The following ITGA8 variants were observed in gnomAD, a reference collection of about 807,000 sequenced individuals.
ITGA8 encodes the protein integrin subunit alpha 8.
In ITGA8, 91 loss-of-function variants were observed where a neutral mutation model predicts 142.3. The observed-to-expected ratio is 0.64, with a 90% CI of 0.54 to 0.76. The LOEUF (loss-of-function observed/expected upper bound fraction) is 0.76. Among genes scored for constraint, ITGA8 ranks in the 30% least tolerant of loss-of-function variants. ITGA8 has a pLI of 0.00. For synonymous variants in ITGA8, 505 were observed against 485.2 expected (o/e 1.04, Z -0.54); for missense variants, 1,406 against 1,327.7 (o/e 1.06, Z -0.92).
intron 12 of ITGA8, among the ~76,000 whole-genome samples, chr10:15,644,899 C>G (rs1039009751): frequency 6.6e-6 from 1 of 151,706 alleles, no homozygotes; most frequent in African/African-American, 2.4e-5. Context: ...CGAGACCATC[C>G]TGGCTAACAC....
At chr10:15,606,157 T>C (rs1238411218) in intron 18 of ITGA8, 128 bp downstream of exon 18, 1 of 792,162 alleles carries the variant, frequency 1.3e-6, no homozygotes, top group Non-Finnish European at 2.0e-6. Context: ...GTAGGAAAAC[T>C]CCCAAATGTT....
chr10:15,520,802 T>C (rs566918031), intron 28 of ITGA8, among the ~76,000 whole-genome samples: 2 of 152,338 alleles, frequency 1.3e-5, no homozygotes, highest in East Asian at 3.9e-4. Flanking sequence ...TAGTTTTAAT[T>C]GTGTTGGTTG....
At chr10:15,687,915 A>G (rs1315619200) in intron 3 of ITGA8, 23 bp downstream of exon 3, 8 of 1,400,034 alleles carry the variant, frequency 5.7e-6, no homozygotes, top group Non-Finnish European at 8.1e-6. Context: ...AAGCAGCAGC[A>G]CAAGCCCACG....
intron 18 of ITGA8, among the ~76,000 whole-genome samples, 188 bp downstream of exon 18, chr10:15,606,097 A>T (rs1833190315): frequency 4.6e-5 from 7 of 152,216 alleles, no homozygotes; most frequent in Admixed American, 4.6e-4. Flanking sequence ...TGATTGCACA[A>T]GAGGAAAGGC....
chr10:15,636,655 C>G (rs1172281889), intron 13 of ITGA8, among the ~76,000 whole-genome samples: 1 of 152,324 alleles, frequency 6.6e-6, no homozygotes, highest in South Asian at 2.1e-4. Flanking sequence ...CCTCCTCTCC[C>G]TTCCATCACT....
At chr10:15,576,862 C>A (rs536324375) in intron 23 of ITGA8, among the ~76,000 whole-genome samples, 2 of 152,312 alleles carry the variant, frequency 1.3e-5, no homozygotes, top group South Asian at 4.1e-4. Flanking sequence ...TTGCATATGT[C>A]CTTACTGTGC....
Position 15,633,357 on chromosome 10 carries a change from A to G in ITGA8, c.1399+10673T>C, listed in dbSNP as rs1695729195. Among the ~76,000 whole-genome samples, 3 of 152,372 alleles carry G rather than the reference A, an allele frequency of 2.0e-5. No individual in the cohort carries two copies. In the South Asian group the frequency reaches 6.2e-4, roughly 32 times the overall value. Reference sequence around the variant, plus strand: ...AAAATTCTGCAGTACATACTAACAAAGACAAACTAGGCAACATTTTCATTA... The same window carrying G: ...AAAATTCTGCAGTACATACTAACAAGGACAAACTAGGCAACATTTTCATTA... On this transcript the variant is annotated intron_variant, in intron 13 of 29. Transcript: ENST00000378076.
At chr10:15,667,279 C>T (rs1564399848) in intron 8 of ITGA8, among the ~76,000 whole-genome samples, 1 of 152,010 alleles carries the variant, frequency 6.6e-6, no homozygotes, top group Non-Finnish European at 1.5e-5. Context: ...TTATCCATTT[C>T]TTCTAGATTG....
chr10:15,526,297 C>A (rs1029474917), intron 28 of ITGA8, among the ~76,000 whole-genome samples: 3 of 152,254 alleles, frequency 2.0e-5, no homozygotes, highest in Admixed American at 6.5e-5. Context: ...TTGCCTCAGC[C>A]TCCCGAGTAG....
intron 20 of ITGA8, among the ~76,000 whole-genome samples, chr10:15,600,159 G>A (rs886447071): frequency 2.0e-5 from 3 of 152,006 alleles, no homozygotes; most frequent in Non-Finnish European, 4.4e-5. Flanking sequence ...TGTGCACAAC[G>A]TGCAGGTTTG....
chr10:15,568,141 C>G (rs1834111310), intron 25 of ITGA8, among the ~76,000 whole-genome samples: 1 of 152,144 alleles, frequency 6.6e-6, no homozygotes, highest in Non-Finnish European at 1.5e-5. Flanking sequence ...CCAGGCTGCT[C>G]TCAAACTCCT....
At chr10:15,632,334 T>A (rs1833698889) in intron 13 of ITGA8, among the ~76,000 whole-genome samples, 1 of 152,096 alleles carries the variant, frequency 6.6e-6, no homozygotes, top group Non-Finnish European at 1.5e-5. Flanking sequence ...AAAATAGAAA[T>A]ATTTGTTTGA....
At chr10:15,635,003 C>CTTTTTTTTTTTTTTT (rs915334219) in intron 13 of ITGA8, among the ~76,000 whole-genome samples, 2 of 107,234 alleles carry the variant, frequency 1.9e-5, no homozygotes, top group African/African-American at 3.5e-5. Context: ...TTCTTTCTTT[C>CTTTTTTTTTTTTTTT]TTTTTTTTTT....
rs377515646 is a variant in ITGA8, at chr10:15,607,753, T to C, written c.1688A>G (p.Gln563Arg). Residue 563 changes from glutamine to arginine, a missense_variant, in exon 17 of 30, where the codon CAG (glutamine) becomes CGG (arginine). Coordinates refer to ENST00000378076, the MANE Select transcript of ITGA8 (RefSeq NM_003638.3). ...IKRTLFLDNH[Q>R]AHRVFPLVIK... ...CACAAGAGGGAAGACGCGATGAGCCTGATGGTTATCAAGGAAGAGCGTCCG... is the reference window on the plus strand; with the variant it reads ...CACAAGAGGGAAGACGCGATGAGCCCGATGGTTATCAAGGAAGAGCGTCCG... The C allele has an allele frequency of 1.2e-6, 2 of 1,613,452 alleles. No homozygotes were observed. The highest frequency in any genetic ancestry group is 2.7e-5 in the African/African-American group (2 of 74,910).
intron 2 of ITGA8, among the ~76,000 whole-genome samples, chr10:15,705,096 G>A (rs1490417416): frequency 6.6e-6 from 1 of 152,108 alleles, no homozygotes; most frequent in Non-Finnish European, 1.5e-5. Context: ...TATCCTTAGG[G>A]AAGATTAACA....
At chr10:15,651,324 G>T (rs890492249) in intron 11 of ITGA8, among the ~76,000 whole-genome samples, 2 of 152,106 alleles carry the variant, frequency 1.3e-5, no homozygotes, top group Non-Finnish European at 2.9e-5. Context: ...TGGAAGTCTT[G>T]AGATAACGAA....
chr10:15,705,319 C>A (rs1205197640), intron 2 of ITGA8, among the ~76,000 whole-genome samples: 1 of 152,202 alleles, frequency 6.6e-6, no homozygotes, highest in Non-Finnish European at 1.5e-5. Flanking sequence ...CAGATGGTGA[C>A]TTTGCTTGTT....
rs1230006335 is a variant in ITGA8 at position 15,519,343 on chromosome 10, C to T, written c.3052G>A (p.Ala1018Thr). 2.5e-6 allele frequency: 4 copies of T among 1,613,314 alleles called. No individual in the cohort carries two copies. The highest frequency in any genetic ancestry group is 1.3e-5 in the African/African-American group (1 of 75,006). The stretch of plus-strand genomic sequence containing the variant: ...AGAACCAACAATCCAAGAAGTATTG[C>T]TAGTATTATTACCCATAATGGGATT... The part of the protein sequence containing the change: ...FSIPLWVIIL[A>T]ILLGLLVLAI... The change falls in exon 29 of 30, where the codon GCA becomes ACA. Residue 1018 changes from alanine to threonine, a missense_variant. Physicochemically the swap from Ala to Thr is moderately conservative, Grantham distance 58. Coordinates refer to ENST00000378076, the MANE Select transcript of ITGA8 (RefSeq NM_003638.3).
chr10:15,579,680 C>T (rs138007586), intron 23 of ITGA8, among the ~76,000 whole-genome samples: 34 of 151,666 alleles, frequency 2.2e-4, no homozygotes, highest in African/African-American at 7.2e-4. Flanking sequence ...ATTTTCTCAT[C>T]GAGAGAGATA....
Sources: allele counts gnomAD v4.1 joint callset (sites outside exome capture counted in the v4.1 genomes callset), GRCh38; gene constraint gnomAD v4.1.1; transcripts MANE v1.5; gene names NCBI Gene and HGNC (gene_info 2026-07-23, HGNC 2026-07-21).